FXR1: variants seen among roughly 807,000 people sequenced by gnomAD.
FXR1 encodes FMR1 autosomal homolog 1.
FXR1 carries 15 observed loss-of-function variants against 84.0 expected under a neutral mutation model. The ratio of observed to expected loss-of-function variants is 0.18; its 90% CI spans 0.12 to 0.27. The LOEUF (loss-of-function observed/expected upper bound fraction) is 0.27, where lower values mean the gene tolerates loss of function less well. Ranked by LOEUF, FXR1 falls within the 10% of genes least tolerant of loss-of-function variation. The pLI, the probability that FXR1 is intolerant of heterozygous loss-of-function variation, is 1.00. For missense variants in FXR1, 480 were observed against 774.4 expected (o/e 0.62, Z 4.51); for synonymous variants, 245 against 250.7 (o/e 0.98, Z 0.21).
At chr3:180,958,180 T>G (rs530320996) in intron 10 of FXR1, among the ~76,000 whole-genome samples, 13 of 152,330 alleles carry the variant, frequency 8.5e-5, no homozygotes, top group African/African-American at 3.1e-4. Flanking sequence ...TTTGATAATC[T>G]TAACAGTTAT....
chr3:180,925,734 C>T (rs1040389904), intron 1 of FXR1, among the ~76,000 whole-genome samples: 2 of 151,986 alleles, frequency 1.3e-5, no homozygotes, highest in African/African-American at 4.8e-5. Context: ...TAGACTGGGG[C>T]CAGAGTATGA....
In FXR1 at chr3:180,982,530, TAA is replaced by T. The variant is rs1490482235; in HGVS notation, c.*6241_*6242del. 1 of 152,182 alleles carries T rather than the reference TAA, an allele frequency of 6.6e-6. No homozygotes were observed. Among genetic ancestry groups the T allele is most frequent in the Admixed American group, 6.6e-5 (1 of 15,260 alleles). 9.4% of individuals were successfully genotyped at this position (152,182 alleles called of 1,614,324 possible). The stretch of plus-strand genomic sequence containing the variant: ...GTTTCCATTGTCTTAACACCTGTCT[TAA>T]AACGGGTATGTTGTTTGCACTGAAC... On this transcript the variant is annotated 3_prime_UTR_variant, in exon 17 of 17. Transcript: ENST00000357559.
chr3:180,921,139 G>A (rs533652605), intron 1 of FXR1, among the ~76,000 whole-genome samples: 3 of 152,144 alleles, frequency 2.0e-5, no homozygotes, highest in South Asian at 2.1e-4. Flanking sequence ...GGAGGCTGAG[G>A]CGGGTGGATC....
intron 13 of FXR1, among the ~76,000 whole-genome samples, chr3:180,964,746 A>G (rs1187062467): frequency 6.7e-6 from 1 of 149,528 alleles, no homozygotes; most frequent in Non-Finnish European, 1.5e-5. Context: ...TATAAGAAAC[A>G]TTTCCCAGTA....
chr3:180,923,091 A>C (rs1462696563), intron 1 of FXR1, among the ~76,000 whole-genome samples: 2 of 152,202 alleles, frequency 1.3e-5, no homozygotes, highest in African/African-American at 4.8e-5. Context: ...TTTACATTTA[A>C]ATAGTACGTT....
intron 7 of FXR1, among the ~76,000 whole-genome samples, chr3:180,950,678 T>C (rs376666392): frequency 3.3e-5 from 5 of 152,204 alleles, no homozygotes; most frequent in Non-Finnish European, 5.9e-5. Flanking sequence ...ATCATTCTAT[T>C]TTCTGTTGCT....
At chr3:180,956,328 G>A (rs1380633643) in intron 9 of FXR1, among the ~76,000 whole-genome samples, 3 of 152,206 alleles carry the variant, frequency 2.0e-5, no homozygotes, top group African/African-American at 4.8e-5. Context: ...TTATACTACA[G>A]GTCTACTTCA....
At chr3:180,975,215 G>T in intron 15 of FXR1, 98 bp from the exon 16 acceptor site, 1 of 463,080 alleles carries the variant, frequency 2.2e-6, no homozygotes, top group Non-Finnish European at 3.9e-6. Context: ...GACACTGGGT[G>T]ACCCACCACT....
intron 1 of FXR1, among the ~76,000 whole-genome samples, chr3:180,924,984 CAT>C (rs1379582315): frequency 2.0e-5 from 3 of 152,282 alleles, no homozygotes; most frequent in Admixed American, 1.3e-4. Flanking sequence ...TTCATTAAAA[CAT>C]ATTCATATTC....
rs561760877 is a variant in FXR1 at position 180,954,926 on chromosome 3, T to C, written c.880+1086T>C. ...TAGTAAGTAGTATATTCAGGAAAAG[T>C]AGTTTAAAACACAGGAATTTGTTTC... On this transcript the variant is annotated intron_variant, in intron 9 of 16. Coordinates refer to ENST00000357559, the MANE Select transcript of FXR1 (RefSeq NM_005087.4). Among the ~76,000 whole-genome samples, 9 of 147,290 alleles carry C rather than the reference T, an allele frequency of 6.1e-5. No homozygotes were observed. The East Asian group carries it at 1.4e-3, about 23-fold the overall frequency.
intron 9 of FXR1, among the ~76,000 whole-genome samples, chr3:180,955,065 G>T (rs763309722): frequency 6.6e-6 from 1 of 150,400 alleles, no homozygotes; most frequent in Admixed American, 6.7e-5. Context: ...TGCAATCTCG[G>T]CTCACTGCAA....
At chr3:180,960,791 G>A (rs898900838) in intron 10 of FXR1, among the ~76,000 whole-genome samples, 1 of 151,998 alleles carries the variant, frequency 6.6e-6, no homozygotes, top group East Asian at 1.9e-4. Flanking sequence ...TTTAAAAGTT[G>A]ATTTATATAC....
intron 14 of FXR1, among the ~76,000 whole-genome samples, chr3:180,969,229 C>T (rs1362109252): frequency 6.6e-6 from 1 of 152,118 alleles, no homozygotes; most frequent in Non-Finnish European, 1.5e-5. Flanking sequence ...TATTTTAGTA[C>T]ACTTTGTACA....
chr3:180,960,278 C>A (rs1711930861), intron 10 of FXR1, among the ~76,000 whole-genome samples: 2 of 152,128 alleles, frequency 1.3e-5, no homozygotes, highest in Admixed American at 1.3e-4. Context: ...TATTTATGCT[C>A]TGGAGGTGAT....
intron 8 of FXR1, among the ~76,000 whole-genome samples, chr3:180,953,179 G>A (rs1298953431): frequency 2.0e-5 from 3 of 152,126 alleles, no homozygotes; most frequent in African/African-American, 7.2e-5. Flanking sequence ...CGTTAAAAGT[G>A]AAAGTGACTT....
rs142573456 is a variant in FXR1, at chr3:180,960,919, A to G, written c.991-549A>G. 5.4e-4 allele frequency among the ~76,000 whole-genome samples: 83 copies of G among 152,312 alleles called. No homozygotes were observed. The East Asian group carries it at 0.015, about 28-fold the overall frequency. On this transcript the variant is annotated intron_variant, in intron 10 of 16. Coordinates refer to ENST00000357559, the MANE Select transcript of FXR1 (RefSeq NM_005087.4). Reference sequence around the variant, plus strand: ...TACAACAGTAAATTGGGGTGCAAATATGACAAGTTATTGAAAATCTGAGTA... The same window carrying G: ...TACAACAGTAAATTGGGGTGCAAATGTGACAAGTTATTGAAAATCTGAGTA...
At position 180,982,602 on chromosome 3, in the gene FXR1, A is replaced by G. The variant is rs1714664374; in HGVS notation, c.*6310A>G. 6.6e-6 allele frequency: 1 copy of G among 152,176 alleles called. No homozygotes were observed. The highest frequency in any genetic ancestry group is 2.4e-5 in the African/African-American group (1 of 41,462). 9.4% of individuals were successfully genotyped at this position (152,176 alleles called of 1,614,324 possible). ...TATTAAGTTAAATTTCCCTTTTTAG[A>G]GTTAATGCTTCATTGCCTGTCGGCA... On this transcript the variant is annotated 3_prime_UTR_variant, in exon 17 of 17. Transcript: ENST00000357559.
chr3:180,957,458 A>C (rs1389778642), intron 9 of FXR1: 2 of 161,324 alleles, frequency 1.2e-5, no homozygotes, highest in Non-Finnish European at 2.7e-5. Context: ...GATTAATGTC[A>C]AAATAGTTTT....
chr3:180,913,911 C>T (rs1442900862), intron 1 of FXR1, among the ~76,000 whole-genome samples: 1 of 152,152 alleles, frequency 6.6e-6, no homozygotes. Flanking sequence ...ACCTTTTATC[C>T]TATGGGTTTT....
Sources: gnomAD v4.1 joint callset for allele counts (sites outside exome capture counted in the v4.1 genomes callset) on GRCh38, gnomAD v4.1.1 for gene constraint, MANE v1.5 for transcripts, NCBI Gene and HGNC (gene_info 2026-07-23, HGNC 2026-07-21) for gene names.